WDR17: variants seen among roughly 807,000 people sequenced by gnomAD.
The protein encoded by WDR17 is WD repeat-containing protein 17.
In WDR17, 143 loss-of-function variants were observed where a neutral mutation model predicts 161.7. The ratio of observed to expected loss-of-function variants is 0.88; its 90% CI spans 0.77 to 1.02. The LOEUF (loss-of-function observed/expected upper bound fraction) is 1.02, where lower values mean the gene tolerates loss of function less well. Ranked by LOEUF, WDR17 falls within the 50% of genes least tolerant of loss-of-function variation. WDR17 has a pLI of 0.00. For missense variants in WDR17, 1,469 were observed against 1,520.9 expected (o/e 0.97, Z 0.57); for synonymous variants, 517 against 515.6 (o/e 1.00, Z -0.04).
intron 22 of WDR17, among the ~76,000 whole-genome samples, chr4:176,165,860 T>A (rs1466096740): frequency 6.6e-6 from 1 of 152,336 alleles, no homozygotes; most frequent in African/African-American, 2.4e-5. Context: ...AATTCTTTTT[T>A]AATATATCCA....
At chr4:176,168,806 T>A in intron 23 of WDR17, 23 bp downstream of exon 23, 1 of 1,601,592 alleles carries the variant, frequency 6.2e-7, no homozygotes, top group South Asian at 1.1e-5. Flanking sequence ...TGTTAAATAT[T>A]CTGGTTTGGA....
At chr4:176,145,698 T>C (rs1261890838) in intron 11 of WDR17, among the ~76,000 whole-genome samples, 4 of 152,194 alleles carry the variant, frequency 2.6e-5, no homozygotes, top group Non-Finnish European at 5.9e-5. Flanking sequence ...ATGAGTCTGG[T>C]CATCTTGAAA....
At chr4:176,166,503 T>C (rs978410290) in intron 22 of WDR17, among the ~76,000 whole-genome samples, 2 of 152,144 alleles carry the variant, frequency 1.3e-5, no homozygotes, top group African/African-American at 4.8e-5. Flanking sequence ...TGTACATTTT[T>C]CCCCATTTGT....
chr4:176,066,732 C>T (rs1231775802), intron 1 of WDR17, among the ~76,000 whole-genome samples: 1 of 151,652 alleles, frequency 6.6e-6, no homozygotes, highest in Non-Finnish European at 1.5e-5. Context: ...GACCATGCAT[C>T]AAAAATAAAT....
intron 6 of WDR17, 100 bp from the exon 7 acceptor site, chr4:176,131,454 T>A: frequency 8.3e-7 from 1 of 1,202,658 alleles, no homozygotes; most frequent in East Asian, 2.5e-5. Flanking sequence ...GCCTAAATGG[T>A]TTACTGGTAC....
intron 26 of WDR17, among the ~76,000 whole-genome samples, chr4:176,176,212 C>A (rs1239691013): frequency 6.6e-6 from 1 of 151,876 alleles, no homozygotes; most frequent in Non-Finnish European, 1.5e-5. Context: ...AGAAAAAGAA[C>A]GGTTTTTATT....
At chr4:176,167,346 T>G (rs2126867625) in intron 22 of WDR17, among the ~76,000 whole-genome samples, 1 of 152,248 alleles carries the variant, frequency 6.6e-6, no homozygotes, top group South Asian at 2.1e-4. Context: ...ATATATCAAT[T>G]TTTTAAAAAC....
chr4:176,088,185 A>C (rs1735664994), intron 1 of WDR17, among the ~76,000 whole-genome samples: 1 of 152,106 alleles, frequency 6.6e-6, no homozygotes, highest in Non-Finnish European at 1.5e-5. Context: ...TATCTGGTAA[A>C]AATACTTCCT....
chr4:176,149,828 G>T lies in WDR17; in HGVS notation c.1919G>T (p.Arg640Leu), dbSNP rs535585436. 1.6e-5 allele frequency: 25 copies of T among 1,612,792 alleles called. No homozygotes were observed. Among genetic ancestry groups the T allele is most frequent in the Non-Finnish European group, 1.8e-5 (21 of 1,179,736 alleles). The part of the protein sequence containing the change: ...DVYGLTCHPS[R>L]PFTMASCSRD... Reference sequence around the variant, plus strand: ...TCAGGTTTAACCTGCCATCCCAGTCGCCCCTTCACTATGGCCTCTTGCTCC... The same window carrying T: ...TCAGGTTTAACCTGCCATCCCAGTCTCCCCTTCACTATGGCCTCTTGCTCC... The change falls in exon 14 of 29, where the codon CGC becomes CTC. Residue 640 changes from arginine to leucine, a missense_variant. Arg to Leu is a moderately radical substitution (Grantham distance 102). Coordinates refer to ENST00000508596, the MANE Select transcript of WDR17 (RefSeq NM_181265.4).
chr4:176,168,236 C>T (rs962469917), intron 22 of WDR17, among the ~76,000 whole-genome samples: 1 of 152,090 alleles, frequency 6.6e-6, no homozygotes, highest in African/African-American at 2.4e-5. Context: ...AAATTATGAA[C>T]TTAACTCAAT....
intron 1 of WDR17, among the ~76,000 whole-genome samples, chr4:176,066,969 A>C (rs1167167115): frequency 6.6e-6 from 1 of 152,154 alleles, no homozygotes; most frequent in Non-Finnish European, 1.5e-5. Context: ...TTAGAAAATA[A>C]ATGACAATGA....
intron 1 of WDR17, among the ~76,000 whole-genome samples, chr4:176,077,673 T>TA (rs558165574): frequency 1.5e-3 from 221 of 151,578 alleles, no homozygotes; most frequent in Middle Eastern, 0.014. Context: ...TCATGTAACT[T>TA]AAAAAAAAAT....
At chr4:176,147,116 C>T (rs554949951) in intron 12 of WDR17, among the ~76,000 whole-genome samples, 353 of 152,246 alleles carry the variant, frequency 2.3e-3, no homozygotes, top group Non-Finnish European at 3.1e-3. Flanking sequence ...CCGCCCGTCT[C>T]AGCCTCCCAA....
chr4:176,066,171 C>T (rs73874908), intron 1 of WDR17, 92 bp downstream of exon 1: 3,289 of 152,544 alleles, frequency 0.022, 56 homozygotes, highest in African/African-American at 0.038. Context: ...GCGAGAGGGG[C>T]TCTGACCTCC....
chr4:176,160,007 T>A lies in WDR17; in HGVS notation c.2539T>A (p.Leu847Ile). Residue 847 changes from leucine (L) to isoleucine (I), a missense_variant, in exon 19 of 29, where the codon TTA (leucine) becomes ATA (isoleucine). By Grantham distance (5) the Leu-to-Ile change is conservative (BLOSUM62 2). Coordinates refer to ENST00000508596, the MANE Select transcript of WDR17 (RefSeq NM_181265.4). ...TTATTTTATTAGGAGAGCTGACCAA[T>A]TAATCCAGGAAGATAAGGATGATGT... ...KKLMQRRADQ[L>I]IQEDKDDVIP... 6.2e-7 allele frequency: 1 copy of A among 1,606,596 alleles called. No homozygotes were observed. Among genetic ancestry groups the A allele is most frequent in the Non-Finnish European group, 8.5e-7 (1 of 1,175,170 alleles).
chr4:176,160,710 C>G lies in WDR17; in HGVS notation c.2659-201C>G, dbSNP rs1260957607. Among the ~76,000 whole-genome samples the G allele has an allele frequency of 2.6e-5, 4 of 152,176 alleles. No individual in the cohort carries two copies. In the East Asian group the frequency reaches 7.7e-4, roughly 29 times the overall value. ...GAATGTTATACACCATGCATTTGAA[C>G]AACTTAGTAATAATTCACTTGAAGC... On this transcript the variant is annotated intron_variant, in intron 19 of 28. Coordinates refer to ENST00000508596, the MANE Select transcript of WDR17 (RefSeq NM_181265.4).
At chr4:176,135,470 T>C in intron 8 of WDR17, 194 bp downstream of exon 8, 2 of 614,014 alleles carry the variant, frequency 3.3e-6, no homozygotes, top group South Asian at 2.0e-5. Context: ...CTTTGATTCC[T>C]GGTTTCCTCT....
intron 4 of WDR17, among the ~76,000 whole-genome samples, chr4:176,120,405 T>C (rs1404658997): frequency 1.3e-5 from 2 of 151,328 alleles, no homozygotes; most frequent in African/African-American, 4.8e-5. Context: ...TAATCAATTC[T>C]TTATTTCTGT....
At chr4:176,082,978 A>G (rs954859867) in intron 1 of WDR17, among the ~76,000 whole-genome samples, 5 of 152,132 alleles carry the variant, frequency 3.3e-5, no homozygotes, top group Non-Finnish European at 4.4e-5. Context: ...GAATTTTAAT[A>G]AAGACTACAT....
Sources: allele counts gnomAD v4.1 joint callset (sites outside exome capture counted in the v4.1 genomes callset), GRCh38; gene constraint gnomAD v4.1.1; transcripts MANE v1.5; gene names NCBI Gene and HGNC (gene_info 2026-07-23, HGNC 2026-07-21).